Variants in LYZL4 observed in about 807,000 individuals in gnomAD.
The protein encoded by LYZL4 is lysozyme like 4, also known as lysozyme-like protein 4.
In LYZL4, 13 loss-of-function variants were observed where a neutral mutation model predicts 17.6. The observed-to-expected ratio is 0.74, with a 90% CI of 0.48 to 1.18. The LOEUF is 1.18. LYZL4 is among the 50% of genes most tolerant of loss of function. The pLI is 0.00. For synonymous variants in LYZL4, 64 were observed against 67.7 expected (o/e 0.95, Z 0.27); for missense variants, 174 against 188.2 (o/e 0.92, Z 0.44).
At chr3:42,408,046 T>G (rs1168829599) in intron 1 of LYZL4, among the ~76,000 whole-genome samples, 1 of 152,156 alleles carries the variant, frequency 6.6e-6, no homozygotes, top group African/African-American at 2.4e-5. Context: ...TCTTTTCCAT[T>G]TTAAGTGGCT....
At chr3:42,380,614 A>G in the LYZL4 span, among the ~76,000 whole-genome samples, 1 of 152,156 alleles carries the variant, frequency 6.6e-6, no homozygotes, top group African/African-American at 2.4e-5. Context: ...GGGCCCGGAG[A>G]CCAGCTTTCT....
chr3:42,405,231 G>A (rs1698728133), intron 3 of LYZL4, among the ~76,000 whole-genome samples: 2 of 152,130 alleles, frequency 1.3e-5, no homozygotes, highest in Non-Finnish European at 2.9e-5. Context: ...TGTATTTTTA[G>A]TAGAGACGGG....
At chr3:42,402,008 A>G (rs1048731287) in intron 4 of LYZL4, among the ~76,000 whole-genome samples, 6 of 152,144 alleles carry the variant, frequency 3.9e-5, no homozygotes, top group African/African-American at 1.4e-4. Flanking sequence ...TTAGGAAAAA[A>G]AGGAGAATAT....
At position 42,401,148 on chromosome 3, in the gene LYZL4, G is replaced by T. The variant is rs532136101; in HGVS notation, c.371+2898C>A. On this transcript the variant is annotated intron_variant, in intron 4 of 4. Coordinates refer to ENST00000287748, the MANE Select transcript of LYZL4 (RefSeq NM_144634.4). Reference sequence around the variant, plus strand: ...TTCAAGGAAGGGTAAAGAGGATAAAGCTAACACGGGACCTATGCGGAAATA... The same window carrying T: ...TTCAAGGAAGGGTAAAGAGGATAAATCTAACACGGGACCTATGCGGAAATA... Among the ~76,000 whole-genome samples the T allele has an allele frequency of 1.7e-3, 255 of 152,288 alleles. 1 individual carries two copies. Among genetic ancestry groups the T allele is most frequent in the African/African-American group, 5.8e-3 (242 of 41,558 alleles).
At chr3:42,366,704 C>T in the LYZL4 span, among the ~76,000 whole-genome samples, 2 of 152,218 alleles carry the variant, frequency 1.3e-5, no homozygotes, top group African/African-American at 4.8e-5. Flanking sequence ...GGGCTCACAG[C>T]CCTCACACTC....
chr3:42,394,929 A>C (rs1366349874), downstream of LYZL4, among the ~76,000 whole-genome samples: 1 of 152,216 alleles, frequency 6.6e-6, no homozygotes, highest in Non-Finnish European at 1.5e-5. Context: ...GGTCGTGTGC[A>C]TTATCGTTCT....
the LYZL4 span, among the ~76,000 whole-genome samples, chr3:42,374,908 A>G: frequency 2.6e-5 from 4 of 152,066 alleles, no homozygotes; most frequent in Non-Finnish European, 4.4e-5. Flanking sequence ...CTGAAGCCTC[A>G]ACCCATCCTC....
the LYZL4 span, among the ~76,000 whole-genome samples, chr3:42,390,354 G>A: frequency 2.0e-5 from 3 of 152,296 alleles, no homozygotes; most frequent in Non-Finnish European, 2.9e-5. Flanking sequence ...GTGAACAAAC[G>A]AAGTGGCTAT....
chr3:42,378,922 A>G, the LYZL4 span, among the ~76,000 whole-genome samples: 1 of 152,194 alleles, frequency 6.6e-6, no homozygotes, highest in Non-Finnish European at 1.5e-5. Context: ...CAGGTGGCCC[A>G]AAAATCGCAC....
chr3:42,383,451 A>C, the LYZL4 span, among the ~76,000 whole-genome samples: 26 of 152,108 alleles, frequency 1.7e-4, no homozygotes, highest in East Asian at 4.3e-3. Flanking sequence ...AAAAAAAAAA[A>C]AAAAAACCAA....
At chr3:42,409,045 C>T (rs191020167) in intron 1 of LYZL4, among the ~76,000 whole-genome samples, 1 of 152,260 alleles carries the variant, frequency 6.6e-6, no homozygotes, top group East Asian at 1.9e-4. Context: ...GCAGACATGA[C>T]CAGTACACCA....
the LYZL4 span, among the ~76,000 whole-genome samples, chr3:42,374,895 C>T: frequency 3.9e-5 from 6 of 152,000 alleles, no homozygotes; most frequent in Admixed American, 2.6e-4. Flanking sequence ...TGATCACAGC[C>T]CACTGAAGCC....
At chr3:42,398,923 A>T (rs1669730270) in intron 4 of LYZL4, among the ~76,000 whole-genome samples, 1 of 152,242 alleles carries the variant, frequency 6.6e-6, no homozygotes, top group African/African-American at 2.4e-5. Context: ...AAACCTGAAA[A>T]AATAGTTTAT....
intron 3 of LYZL4, among the ~76,000 whole-genome samples, chr3:42,406,406 A>T: frequency 7.0e-6 from 1 of 142,346 alleles, no homozygotes. Flanking sequence ...GTGAGCCGAG[A>T]TCGCGCCACT....
the LYZL4 span, among the ~76,000 whole-genome samples, chr3:42,384,231 A>G: frequency 6.6e-6 from 1 of 152,216 alleles, no homozygotes; most frequent in Non-Finnish European, 1.5e-5. Flanking sequence ...CTCAAGTATC[A>G]AGGTGGAATG....
chr3:42,398,730 TTG>T (rs1221071343), intron 4 of LYZL4, among the ~76,000 whole-genome samples: 1 of 152,176 alleles, frequency 6.6e-6, no homozygotes, highest in Non-Finnish European at 1.5e-5. Context: ...AGGGCTTAAT[TTG>T]TGTGTGTGCC....
chr3:42,400,008 A>G (rs1265478645), intron 4 of LYZL4, among the ~76,000 whole-genome samples: 1 of 150,588 alleles, frequency 6.6e-6, no homozygotes, highest in Admixed American at 6.6e-5. Context: ...TAGTTCCAAA[A>G]TACCTTGAAG....
the LYZL4 span, among the ~76,000 whole-genome samples, chr3:42,380,217 G>T: frequency 6.6e-6 from 1 of 152,202 alleles, no homozygotes; most frequent in Non-Finnish European, 1.5e-5. Flanking sequence ...TATGGCTAGG[G>T]GGTCCATGTC....
chr3:42,391,876 C>CT, the LYZL4 span, among the ~76,000 whole-genome samples: 4,178 of 148,926 alleles, frequency 0.028, 202 homozygotes, highest in African/African-American at 0.093. Context: ...ACTTCTCTCT[C>CT]TTTTTCTTTT....
Sources: gnomAD v4.1 joint callset for allele counts (sites outside exome capture counted in the v4.1 genomes callset) on GRCh38, gnomAD v4.1.1 for gene constraint, MANE v1.5 for transcripts, NCBI Gene and HGNC (gene_info 2026-07-23, HGNC 2026-07-21) for gene names.